The following CDYL variants were observed in gnomAD, a reference collection of about 807,000 sequenced individuals.
CDYL encodes the protein chromodomain Y like, also known as chromodomain Y-like protein.
Under a neutral mutation model 47.3 loss-of-function variants are expected in CDYL, and 8 were observed. That is an observed-to-expected ratio of 0.17 (90% CI 0.10 to 0.31). CDYL has a LOEUF of 0.31. CDYL is among the 10% of genes least tolerant of loss of function. The probability of loss-of-function intolerance (pLI) is 1.00; values close to 1 mark genes in which losing one functional copy is unlikely to be tolerated. For synonymous variants in CDYL, 266 were observed against 265.0 expected (o/e 1.00, Z -0.04); for missense variants, 471 against 701.4 (o/e 0.67, Z 3.71).
chr6:4,829,996 C>T (rs1255215642), intron 1 of CDYL, among the ~76,000 whole-genome samples: 2 of 152,180 alleles, frequency 1.3e-5, no homozygotes, highest in Non-Finnish European at 2.9e-5. Context: ...GACTTATTTC[C>T]AGAGTCCTGA....
At chr6:4,750,681 G>T (rs1321384758) in intron 3 of CDYL, among the ~76,000 whole-genome samples, 1 of 151,982 alleles carries the variant, frequency 6.6e-6, no homozygotes, top group Non-Finnish European at 1.5e-5. Context: ...AAATAAGTTT[G>T]AAAAGTGTGT....
At chr6:4,919,068 TG>T (rs1364287793) in intron 2 of CDYL, among the ~76,000 whole-genome samples, 1 of 152,218 alleles carries the variant, frequency 6.6e-6, no homozygotes, top group Non-Finnish European at 1.5e-5. Flanking sequence ...GCATAGTTTA[TG>T]GTGATATTGC....
rs149766443 is a variant in CDYL, at chr6:4,850,282, G to C, written c.25-41431G>C. On this transcript the variant is annotated intron_variant, in intron 1 of 6. Transcript: ENST00000397588. ...CTAGATTTTAGATACACAAAACTCT[G>C]TTCTCATTCTGGTTGAGCTATGACT... 5.5e-3 allele frequency among the ~76,000 whole-genome samples: 844 copies of C among 152,278 alleles called. 1 individual carries two copies. Among genetic ancestry groups the C allele is most frequent in the African/African-American group, 0.014 (562 of 41,548 alleles).
intron 3 of CDYL, among the ~76,000 whole-genome samples, chr6:4,755,277 G>T (rs1475746861): frequency 6.6e-6 from 1 of 151,226 alleles, no homozygotes; most frequent in African/African-American, 2.4e-5. Context: ...CCCCCTGTTG[G>T]CCAGGCTGGT....
At chr6:4,903,170 A>G (rs955962793) in intron 2 of CDYL, among the ~76,000 whole-genome samples, 3 of 152,198 alleles carry the variant, frequency 2.0e-5, no homozygotes, top group Non-Finnish European at 2.9e-5. Context: ...AGGCACTCCT[A>G]CACTCCTGCC....
At chr6:4,721,046 T>G (rs1757359397) in intron 2 of CDYL, among the ~76,000 whole-genome samples, 1 of 151,868 alleles carries the variant, frequency 6.6e-6, no homozygotes, top group Admixed American at 6.6e-5. Flanking sequence ...CTGATCTGCC[T>G]CTGAGGAGCT....
chr6:4,900,831 CTT>C lies in CDYL; in HGVS notation c.691+8453_691+8454del, dbSNP rs1484871132. ...TATATATATATATATATATATATAT[CTT>C]GCCTGTTTTTCTTTTGGGTGGTTTA... On this transcript the variant is annotated intron_variant, in intron 2 of 6. Coordinates refer to ENST00000397588, the MANE Select transcript of CDYL (RefSeq NM_004824.4). Among the ~76,000 whole-genome samples the C allele has an allele frequency of 4.6e-5, 2 of 43,868 alleles. 1 individual carries two copies. Among genetic ancestry groups the C allele is most frequent in the African/African-American group, 1.4e-4 (2 of 14,708 alleles). 28.8% of individuals were successfully genotyped at this position (43,868 alleles called of 152,430 possible). A position where few individuals can be genotyped will look rare whatever the true frequency, so the allele number is the denominator to read the frequency against.
chr6:4,921,381 C>T (rs978582757), intron 2 of CDYL, among the ~76,000 whole-genome samples: 1 of 152,200 alleles, frequency 6.6e-6, no homozygotes, highest in Non-Finnish European at 1.5e-5. Flanking sequence ...AGGTTGATGC[C>T]AGAAGTAACA....
chr6:4,809,340 G>A (rs971530530), intron 1 of CDYL, among the ~76,000 whole-genome samples: 2 of 152,174 alleles, frequency 1.3e-5, no homozygotes, highest in African/African-American at 4.8e-5. Flanking sequence ...ACTCTCCTAT[G>A]TATGGCATTT....
intron 1 of CDYL, among the ~76,000 whole-genome samples, chr6:4,817,097 C>T (rs1021209293): frequency 1.1e-4 from 16 of 152,070 alleles, no homozygotes; most frequent in Non-Finnish European, 8.8e-5. Context: ...TGTATTGTTG[C>T]GAAATCTAGT....
At chr6:4,856,876 AAG>A (rs1300680290) in intron 1 of CDYL, among the ~76,000 whole-genome samples, 1 of 152,198 alleles carries the variant, frequency 6.6e-6, no homozygotes, top group Non-Finnish European at 1.5e-5. Flanking sequence ...ACTAATTTGA[AAG>A]AGAAACTCTA....
chr6:4,782,600 A>T (rs1758646247), intron 1 of CDYL, among the ~76,000 whole-genome samples: 1 of 152,192 alleles, frequency 6.6e-6, no homozygotes. Flanking sequence ...GGGAGGGCCT[A>T]TTATGAGTCT....
At chr6:4,763,515 T>C (rs1758207113) in intron 3 of CDYL, among the ~76,000 whole-genome samples, 1 of 151,982 alleles carries the variant, frequency 6.6e-6, no homozygotes, top group Non-Finnish European at 1.5e-5. Context: ...AAGTTTCTTG[T>C]CCAGGAAAAA....
intron 1 of CDYL, among the ~76,000 whole-genome samples, chr6:4,875,080 G>A (rs1344004537): frequency 1.3e-5 from 2 of 152,150 alleles, no homozygotes; most frequent in African/African-American, 2.4e-5. Context: ...TGCTGAGGGA[G>A]GTGTGTGTTT....
At chr6:4,920,250 G>A (rs749458160) in intron 2 of CDYL, among the ~76,000 whole-genome samples, 1 of 152,204 alleles carries the variant, frequency 6.6e-6, no homozygotes, top group African/African-American at 2.4e-5. Flanking sequence ...GCATGGTGGT[G>A]ATGGTTGCAC....
chr6:4,825,693 G>T (rs114181906), intron 1 of CDYL, among the ~76,000 whole-genome samples: 3,420 of 152,090 alleles, frequency 0.022, 135 homozygotes, highest in African/African-American at 0.078. Context: ...ATCCCATTTG[G>T]TTATAATCCT....
chr6:4,756,573 C>CGTGTGTCTGTGTGTGTCT lies in CDYL; in HGVS notation c.186+21735_186+21736insCTGTGTGTGTCTGTGTGT, dbSNP rs1228739911. Among the ~76,000 whole-genome samples, 486 of 125,276 alleles carry CGTGTGTCTGTGTGTGTCT rather than the reference C, an allele frequency of 3.9e-3. 3 individuals are homozygous for CGTGTGTCTGTGTGTGTCT. The highest frequency in any genetic ancestry group is 0.018 in the African/African-American group (451 of 25,360). 82.2% of individuals were successfully genotyped at this position (125,276 alleles called of 152,430 possible). ...TAGTAATTGTAGTAATTAAAATTATCGTGTGTATGTGTGTGTGTGTGTGTG... is the reference window on the plus strand; with the variant it reads ...TAGTAATTGTAGTAATTAAAATTATCGTGTGTCTGTGTGTGTCTGTGTGTATGTGTGTGTGTGTGTGTG... On this transcript the variant is annotated intron_variant, in intron 3 of 8. Transcript: ENST00000328908.
At chr6:4,769,136 A>G (rs536788685) in intron 3 of CDYL, among the ~76,000 whole-genome samples, 39 of 152,328 alleles carry the variant, frequency 2.6e-4, no homozygotes, top group Non-Finnish European at 5.0e-4. Flanking sequence ...CGGGGCAGAA[A>G]AAAGAAAATT....
chr6:4,934,546 A>G (rs1436436020), intron 2 of CDYL, among the ~76,000 whole-genome samples: 1 of 152,180 alleles, frequency 6.6e-6, no homozygotes, highest in Non-Finnish European at 1.5e-5. Flanking sequence ...TGCCATTGCT[A>G]ATGCTACTAG....
Sources: allele counts gnomAD v4.1 joint callset (sites outside exome capture counted in the v4.1 genomes callset), GRCh38; gene constraint gnomAD v4.1.1; transcripts MANE v1.5; gene names NCBI Gene and HGNC (gene_info 2026-07-23, HGNC 2026-07-21).